The following ATG14 variants were observed in gnomAD, a reference collection of about 807,000 sequenced individuals.
The protein encoded by ATG14 is autophagy related 14.
Under a neutral mutation model 60.4 loss-of-function variants are expected in ATG14, and 35 were observed. The ratio of observed to expected loss-of-function variants is 0.58; its 90% CI spans 0.44 to 0.77. The LOEUF is 0.77. ATG14 is among the 30% of genes least tolerant of loss of function. ATG14 has a pLI of 0.00. For missense variants in ATG14, 647 were observed against 626.3 expected, an observed-to-expected ratio of 1.03 and a Z score of -0.35; for synonymous variants, 234 against 228.8, an observed-to-expected ratio of 1.02 and a Z score of -0.21.
intron 9 of ATG14, among the ~76,000 whole-genome samples, chr14:55,372,306 T>TC (rs3831294): frequency 0.28 from 42,905 of 151,850 alleles, 6,655 homozygotes; most frequent in Non-Finnish European, 0.34. Flanking sequence ...CCCATCTGCC[T>TC]CCTCTTGCTG....
At chr14:55,396,223 T>C (rs1442991472) in intron 2 of ATG14, among the ~76,000 whole-genome samples, 1 of 152,230 alleles carries the variant, frequency 6.6e-6, no homozygotes, top group Non-Finnish European at 1.5e-5. Flanking sequence ...TAAATCTGCC[T>C]AACAGTCTTA....
intron 1 of ATG14, among the ~76,000 whole-genome samples, chr14:55,407,146 T>C (rs977692799): frequency 2.6e-5 from 4 of 152,072 alleles, no homozygotes; most frequent in African/African-American, 9.7e-5. Context: ...TTTTGTTTTT[T>C]TGAGACAGAG....
At chr14:55,401,879 T>C (rs963690869) in intron 1 of ATG14, among the ~76,000 whole-genome samples, 12 of 152,164 alleles carry the variant, frequency 7.9e-5, no homozygotes, top group Admixed American at 5.2e-4. Context: ...AGGAAGGGTA[T>C]GGAGGCAGAG....
chr14:55,369,777 G>A lies in ATG14; in HGVS notation c.1321C>T (p.Pro441Ser). Residue 441 changes from proline (P) to serine (S), a missense_variant, in exon 10 of 10, where the codon CCC becomes TCC. Physicochemically the swap from Pro to Ser is moderately conservative, Grantham distance 74 (BLOSUM62 -1). Transcript: ENST00000247178. ...TGGGAAGGGATATCACAAAACCGGG[G>A]ACTAGGCAAGTTCTCCCAGTCTGTG... ...LGTDWENLPS[P>S]RFCDIPSQSV... The A allele has an allele frequency of 6.2e-7, 1 of 1,614,188 alleles. No individual in the cohort carries two copies. Among genetic ancestry groups the A allele is most frequent in the Non-Finnish European group, 8.5e-7 (1 of 1,180,026 alleles).
intron 8 of ATG14, 38 bp from the exon 9 acceptor site, chr14:55,377,942 A>G (rs1264071940): frequency 4.4e-6 from 7 of 1,594,762 alleles, no homozygotes; most frequent in Admixed American, 1.8e-5. Context: ...ATTTTCAACT[A>G]TTTAACAAAG....
intron 1 of ATG14, among the ~76,000 whole-genome samples, chr14:55,405,126 G>C (rs1424981843): frequency 6.6e-6 from 1 of 152,174 alleles, no homozygotes; most frequent in African/African-American, 2.4e-5. Flanking sequence ...ACAGTCGTAA[G>C]GCTGATGAAC....
At chr14:55,403,585 G>GT (rs1885445329) in intron 1 of ATG14, among the ~76,000 whole-genome samples, 2 of 151,790 alleles carry the variant, frequency 1.3e-5, no homozygotes, top group Admixed American at 1.3e-4. Flanking sequence ...CTAACTTTGG[G>GT]TTTTAAAAAG....
chr14:55,394,926 C>T (rs1885287523), intron 3 of ATG14: 1 of 380,498 alleles, frequency 2.6e-6, no homozygotes, highest in African/African-American at 2.1e-5. Flanking sequence ...AAAAAGTAAA[C>T]AACCAGAGAA....
At chr14:55,378,673 C>A (rs1315114598) in intron 7 of ATG14, among the ~76,000 whole-genome samples, 1 of 152,014 alleles carries the variant, frequency 6.6e-6, no homozygotes, top group African/African-American at 2.4e-5. Context: ...ACACAGCAAG[C>A]CCCTCTCTCA....
intron 6 of ATG14, among the ~76,000 whole-genome samples, chr14:55,381,514 T>G (rs1456705250): frequency 6.6e-6 from 1 of 152,216 alleles, no homozygotes; most frequent in Non-Finnish European, 1.5e-5. Flanking sequence ...CATCAAGTGA[T>G]GAATGAATAA....
In ATG14 at chr14:55,373,177, T is replaced by A. The variant is rs190682394; in HGVS notation, c.1173-3252A>T. 6.6e-4 allele frequency among the ~76,000 whole-genome samples: 101 copies of A among 152,350 alleles called. 1 individual carries two copies. The highest frequency in any genetic ancestry group is 3.4e-3 in the Middle Eastern group (1 of 294). ...CTTTGGGGAATTAAGATTATAAAATTGTTTCCTAATTTTTAGTTTAGCTGA... is the reference window on the plus strand; with the variant it reads ...CTTTGGGGAATTAAGATTATAAAATAGTTTCCTAATTTTTAGTTTAGCTGA... On this transcript the variant is annotated intron_variant, in intron 9 of 9. Coordinates refer to ENST00000247178, the MANE Select transcript of ATG14 (RefSeq NM_014924.5).
At chr14:55,369,952 T>A (rs1303546023) in intron 9 of ATG14, 27 bp from the exon 10 acceptor site, 1 of 1,557,046 alleles carries the variant, frequency 6.4e-7, no homozygotes, top group South Asian at 1.2e-5. Context: ...AGGGTCTCTT[T>A]AGGATAACAA....
chr14:55,373,204 T>A (rs1594775696), intron 9 of ATG14, among the ~76,000 whole-genome samples: 2 of 152,374 alleles, frequency 1.3e-5, no homozygotes, highest in South Asian at 4.1e-4. Context: ...TTTAGCTGAA[T>A]AATGGATATC....
At chr14:55,407,348 C>A (rs1885507434) in intron 1 of ATG14, among the ~76,000 whole-genome samples, 1 of 152,212 alleles carries the variant, frequency 6.6e-6, no homozygotes, top group Non-Finnish European at 1.5e-5. Context: ...CCAGGATGGT[C>A]TCGGTCTCTT....
At chr14:55,371,745 A>C (rs1294133149) in intron 9 of ATG14, among the ~76,000 whole-genome samples, 1 of 151,886 alleles carries the variant, frequency 6.6e-6, no homozygotes, top group East Asian at 1.9e-4. Context: ...CGGAGCTTGC[A>C]GTGAGCCGAG....
chr14:55,410,764 C>A (rs1375869106), intron 1 of ATG14, among the ~76,000 whole-genome samples: 1 of 152,096 alleles, frequency 6.6e-6, no homozygotes, highest in Non-Finnish European at 1.5e-5. Flanking sequence ...TCGGTTGTTG[C>A]GAATGAATTA....
At chr14:55,386,248 G>T in intron 4 of ATG14, 152 bp from the exon 5 acceptor site, 1 of 634,372 alleles carries the variant, frequency 1.6e-6, no homozygotes, top group Non-Finnish European at 2.7e-6. Context: ...GAAAATTTGA[G>T]AGTTTAGTTC....
In ATG14 at chr14:55,389,661, T is replaced by C. The variant is rs534308837; in HGVS notation, c.409+1250A>G. On this transcript the variant is annotated intron_variant, in intron 4 of 9. Transcript: ENST00000247178. ...CAGCTTGCTGCCGGCACTCATTTAA[T>C]GTTACATAAACATGCTCTTTGAGTC... Among the ~76,000 whole-genome samples, 5 of 152,378 alleles carry C rather than the reference T, an allele frequency of 3.3e-5. No homozygotes were observed. The South Asian group carries it at 8.3e-4, about 25-fold the overall frequency.
chr14:55,395,317 T>C, intron 3 of ATG14: 1 of 267,332 alleles, frequency 3.7e-6, no homozygotes, highest in Non-Finnish European at 7.6e-6. Flanking sequence ...GCCTGGCTGC[T>C]GCCACGCCTC....
Sources: gnomAD v4.1 joint callset for allele counts (sites outside exome capture counted in the v4.1 genomes callset) on GRCh38, gnomAD v4.1.1 for gene constraint, MANE v1.5 for transcripts, NCBI Gene and HGNC (gene_info 2026-07-23, HGNC 2026-07-21) for gene names.